PBX3: variants seen among roughly 807,000 people sequenced by gnomAD.
PBX3 encodes the protein pre-B-cell leukemia transcription factor 3.
Under a neutral mutation model 48.5 loss-of-function variants are expected in PBX3, and 14 were observed. The ratio of observed to expected loss-of-function variants is 0.29; its 90% CI spans 0.19 to 0.45. The LOEUF (loss-of-function observed/expected upper bound fraction) is 0.45. Among genes scored for constraint, PBX3 ranks in the 20% least tolerant of loss-of-function variants. The pLI is 1.00. For synonymous variants in PBX3, 210 were observed against 200.3 expected (o/e 1.05, Z -0.41); for missense variants, 386 against 546.7 (o/e 0.71, Z 2.93).
chr9:125,886,489 G>A (rs1001858556), intron 2 of PBX3, among the ~76,000 whole-genome samples: 1 of 152,110 alleles, frequency 6.6e-6, no homozygotes. Flanking sequence ...GTAAATTTGA[G>A]CTGTGGAAAT....
At chr9:125,965,267 A>G (rs1164426891) in intron 8 of PBX3, among the ~76,000 whole-genome samples, 1 of 152,198 alleles carries the variant, frequency 6.6e-6, no homozygotes, top group Non-Finnish European at 1.5e-5. Flanking sequence ...GCCACAGATA[A>G]TTGGAATACA....
rs1474119868 is a variant in PBX3 at position 125,899,464 on chromosome 9, G to T, written c.275-16222G>T. Reference sequence around the variant, plus strand: ...GTGTATATATATATATAGAGAGAGAGAGAGAGAGAGAGAGAGAGAGAGAGC... The same window carrying T: ...GTGTATATATATATATAGAGAGAGATAGAGAGAGAGAGAGAGAGAGAGAGC... On this transcript the variant is annotated intron_variant, in intron 2 of 8. Transcript: ENST00000373489. Among the ~76,000 whole-genome samples the T allele has an allele frequency of 1.9e-3, 281 of 145,572 alleles. 9 individuals carry two copies. The highest frequency in any genetic ancestry group is 5.3e-3 in the African/African-American group (207 of 39,362).
chr9:125,793,898 G>A (rs1837697137), intron 2 of PBX3, among the ~76,000 whole-genome samples: 1 of 152,170 alleles, frequency 6.6e-6, no homozygotes, highest in South Asian at 2.1e-4. Flanking sequence ...TTTAGTGAGC[G>A]ATTGTATTTT....
rs566927394 is a variant in PBX3 at position 125,787,664 on chromosome 9, A to G, written c.274+39041A>G. Among the ~76,000 whole-genome samples the G allele has an allele frequency of 3.9e-5, 6 of 152,340 alleles. No homozygotes were observed. The East Asian group carries it at 1.2e-3, about 29-fold the overall frequency. ...GTTAAGATGTTCAACCATATAATCCATTTTGCATAGATGGGAAAGGTAAAG... is the reference window on the plus strand; with the variant it reads ...GTTAAGATGTTCAACCATATAATCCGTTTTGCATAGATGGGAAAGGTAAAG... On this transcript the variant is annotated intron_variant, in intron 2 of 8. Coordinates refer to ENST00000373489, the MANE Select transcript of PBX3 (RefSeq NM_006195.6).
chr9:125,839,189 A>T (rs1195634290), intron 2 of PBX3, among the ~76,000 whole-genome samples: 1 of 152,242 alleles, frequency 6.6e-6, no homozygotes, highest in Non-Finnish European at 1.5e-5. Context: ...TGTGAGAATT[A>T]AATGAAATTG....
intron 2 of PBX3, among the ~76,000 whole-genome samples, chr9:125,776,853 T>C (rs1377654223): frequency 6.6e-6 from 1 of 152,186 alleles, no homozygotes; most frequent in Admixed American, 6.5e-5. Flanking sequence ...CTGCATGATA[T>C]TAATATTACT....
chr9:125,830,663 G>C (rs570044274), intron 2 of PBX3, among the ~76,000 whole-genome samples: 1 of 151,974 alleles, frequency 6.6e-6, no homozygotes, highest in East Asian at 1.9e-4. Context: ...ACATTTACTG[G>C]GCTCTTTATG....
intron 2 of PBX3, among the ~76,000 whole-genome samples, chr9:125,789,707 T>C (rs961958163): frequency 2.0e-5 from 3 of 152,162 alleles, no homozygotes; most frequent in African/African-American, 7.2e-5. Context: ...GTGTGAATAG[T>C]AGGCAGTGGG....
Position 125,857,406 on chromosome 9 carries a change from A to T in PBX3, c.275-58280A>T, listed in dbSNP as rs139386386. Among the ~76,000 whole-genome samples, 42 of 152,046 alleles carry T rather than the reference A, an allele frequency of 2.8e-4. No homozygotes were observed. The Middle Eastern group carries it at 0.01, about 37-fold the overall frequency. On this transcript the variant is annotated intron_variant, in intron 2 of 8. Transcript: ENST00000373489. Reference sequence around the variant, plus strand: ...CGAATTTCAGATTTTTGGATTAGGGATTCTCAACTTGTATTCAGGATGCAG... The same window carrying T: ...CGAATTTCAGATTTTTGGATTAGGGTTTCTCAACTTGTATTCAGGATGCAG...
intron 2 of PBX3, among the ~76,000 whole-genome samples, chr9:125,780,416 ACC>A (rs367962542): frequency 0.65 from 37,216 of 57,000 alleles, 12,690 homozygotes; most frequent in African/African-American, 0.75. Context: ...CGGGGGGCTG[ACC>A]CCCCCCCCAC....
intron 2 of PBX3, among the ~76,000 whole-genome samples, chr9:125,783,311 G>T (rs908341196): frequency 1.3e-5 from 2 of 151,806 alleles, no homozygotes; most frequent in Non-Finnish European, 2.9e-5. Context: ...TTTTTGAGGG[G>T]AGTTTTACTC....
chr9:125,849,822 G>C (rs1394744157), intron 2 of PBX3, among the ~76,000 whole-genome samples: 1 of 151,950 alleles, frequency 6.6e-6, no homozygotes, highest in East Asian at 1.9e-4. Flanking sequence ...AGATGCATTA[G>C]ATAAATGCTT....
intron 7 of PBX3, among the ~76,000 whole-genome samples, chr9:125,962,671 G>A (rs1363779630): frequency 6.6e-6 from 1 of 152,164 alleles, no homozygotes; most frequent in Non-Finnish European, 1.5e-5. Context: ...AGATGTATGT[G>A]TATGAGACAT....
intron 2 of PBX3, among the ~76,000 whole-genome samples, chr9:125,780,094 C>A (rs1416868499): frequency 9.3e-6 from 1 of 107,840 alleles, no homozygotes; most frequent in African/African-American, 3.5e-5. Context: ...CCGGACGGGG[C>A]GGCTGGCTGG....
At chr9:125,764,131 C>T (rs1393086889) in intron 2 of PBX3, among the ~76,000 whole-genome samples, 6 of 152,154 alleles carry the variant, frequency 3.9e-5, no homozygotes, top group African/African-American at 1.2e-4. Flanking sequence ...AAGGACAGGG[C>T]GGGGATAAGA....
intron 2 of PBX3, among the ~76,000 whole-genome samples, chr9:125,862,345 T>C (rs1839880400): frequency 6.6e-6 from 1 of 152,170 alleles, no homozygotes; most frequent in South Asian, 2.1e-4. Flanking sequence ...TCAAAATTTA[T>C]GGAATGAGTA....
At chr9:125,858,783 G>C (rs1839790456) in intron 2 of PBX3, among the ~76,000 whole-genome samples, 1 of 151,854 alleles carries the variant, frequency 6.6e-6, no homozygotes, top group South Asian at 2.1e-4. Context: ...CTGCCACCAT[G>C]CCCGGCTAAT....
At chr9:125,955,951 T>A (rs1425240332) in intron 5 of PBX3, among the ~76,000 whole-genome samples, 2 of 152,200 alleles carry the variant, frequency 1.3e-5, no homozygotes, top group African/African-American at 4.8e-5. Flanking sequence ...CATTTCGCAG[T>A]TGGTTATTTA....
intron 2 of PBX3, among the ~76,000 whole-genome samples, chr9:125,891,928 T>C (rs977099327): frequency 1.3e-5 from 2 of 152,212 alleles, no homozygotes; most frequent in African/African-American, 2.4e-5. Flanking sequence ...TTTTATTTTA[T>C]TAATTTTTTT....
Sources: gnomAD v4.1 joint callset for allele counts (sites outside exome capture counted in the v4.1 genomes callset) on GRCh38, gnomAD v4.1.1 for gene constraint, MANE v1.5 for transcripts, NCBI Gene and HGNC (gene_info 2026-07-23, HGNC 2026-07-21) for gene names.